Variants in APBB1IP observed in about 807,000 individuals in gnomAD.
APBB1IP encodes amyloid beta A4 precursor protein-binding family B member 1-interacting protein.
In APBB1IP, 27 loss-of-function variants were observed where a neutral mutation model predicts 64.9. That is an observed-to-expected ratio of 0.42 (90% CI 0.31 to 0.57). The LOEUF is 0.57. APBB1IP is among the 20% of genes least tolerant of loss of function. The pLI is 0.20. For missense variants in APBB1IP, 812 were observed against 845.5 expected (o/e 0.96, Z 0.49); for synonymous variants, 392 against 331.0 (o/e 1.18, Z -2.00).
chr10:26,450,460 T>C (rs774243759), intron 2 of APBB1IP, among the ~76,000 whole-genome samples: 2 of 152,226 alleles, frequency 1.3e-5, no homozygotes, highest in Non-Finnish European at 2.9e-5. Flanking sequence ...TCTAAGGGCA[T>C]GAAACATTGT....
chr10:26,549,024 C>T (rs922163370), intron 11 of APBB1IP, among the ~76,000 whole-genome samples: 1 of 152,040 alleles, frequency 6.6e-6, no homozygotes, highest in African/African-American at 2.4e-5. Context: ...TCTTCTATAC[C>T]TAATTTGTTG....
At chr10:26,546,692 T>C (rs918822582) in intron 11 of APBB1IP, among the ~76,000 whole-genome samples, 28 of 152,336 alleles carry the variant, frequency 1.8e-4, no homozygotes, top group African/African-American at 6.5e-4. Flanking sequence ...CTCCGGTCTC[T>C]AGTAACCACT....
chr10:26,499,986 A>C (rs893600146), intron 4 of APBB1IP, among the ~76,000 whole-genome samples: 1 of 152,006 alleles, frequency 6.6e-6, no homozygotes, highest in Non-Finnish European at 1.5e-5. Context: ...TGAGGTGGGA[A>C]GATTACTTGA....
At chr10:26,505,475 A>G (rs1836163314) in intron 6 of APBB1IP, among the ~76,000 whole-genome samples, 1 of 152,120 alleles carries the variant, frequency 6.6e-6, no homozygotes, top group Non-Finnish European at 1.5e-5. Flanking sequence ...CTGGGTGCCC[A>G]GTGAGCTACC....
intron 2 of APBB1IP, among the ~76,000 whole-genome samples, chr10:26,472,568 G>GTTTC (rs1261157186): frequency 1.1e-5 from 1 of 91,494 alleles, no homozygotes; most frequent in Non-Finnish European, 2.4e-5. Flanking sequence ...CATCGTGTTT[G>GTTTC]TTTCATTCAT....
chr10:26,527,429 C>T (rs879369612), intron 8 of APBB1IP, among the ~76,000 whole-genome samples: 26 of 151,802 alleles, frequency 1.7e-4, no homozygotes, highest in Non-Finnish European at 2.4e-4. Flanking sequence ...CACTTGTGGT[C>T]CCAGCTACTC....
chr10:26,541,031 G>C (rs1477144472), intron 10 of APBB1IP, among the ~76,000 whole-genome samples: 3 of 151,420 alleles, frequency 2.0e-5, no homozygotes, highest in African/African-American at 7.3e-5. Context: ...ACCTTGTCTC[G>C]ACTGCATCAA....
At chr10:26,445,335 T>C (rs10828996) in intron 2 of APBB1IP, among the ~76,000 whole-genome samples, 58,983 of 152,024 alleles carry the variant, frequency 0.39, 11,632 homozygotes, top group South Asian at 0.49. Flanking sequence ...TCTACCTCCA[T>C]AATAATCAAA....
At chr10:26,553,896 T>C (rs1450593384) in intron 11 of APBB1IP, among the ~76,000 whole-genome samples, 1 of 152,016 alleles carries the variant, frequency 6.6e-6, no homozygotes, top group Non-Finnish European at 1.5e-5. Flanking sequence ...GGACCCCTAC[T>C]CTGCTTCTGC....
chr10:26,501,794 T>A (rs947531476), intron 5 of APBB1IP: 1 of 152,328 alleles, frequency 6.6e-6, no homozygotes, highest in Non-Finnish European at 1.5e-5. Flanking sequence ...CCAGTTCAAT[T>A]TCCTGTGGCT....
intron 10 of APBB1IP, among the ~76,000 whole-genome samples, chr10:26,539,407 G>GAAA (rs397969156): frequency 8.2e-6 from 1 of 122,036 alleles, no homozygotes; most frequent in Non-Finnish European, 1.6e-5. Flanking sequence ...ATGAGATCCT[G>GAAA]AAAAAAAAAA....
At position 26,566,979 on chromosome 10, in the gene APBB1IP, G is replaced by A. The variant is rs1837053473; in HGVS notation, c.1492G>A (p.Gly498Arg). Reference protein sequence around the residue: ...ETSKDKKPALGNHHDPAVPRA... With the variant: ...ETSKDKKPALRNHHDPAVPRA... ...GTTGCAGGATAAGAAGCCAGCCCTC[G>A]GGAACCACCACGACCCGGCAGTGCC... Residue 498 changes from glycine (G) to arginine (R), a missense_variant, in exon 15 of 15, where the codon GGG (glycine) becomes AGG (arginine). Around this residue, in one of 3 missense-constraint regions of APBB1IP, gnomAD observed 381 missense variants for 352.1 expected, o/e 1.08. Coordinates refer to ENST00000376236, the MANE Select transcript of APBB1IP (RefSeq NM_019043.4). 3.2e-6 allele frequency: 5 copies of A among 1,580,180 alleles called. No individual in the cohort carries two copies. In the South Asian group the frequency reaches 4.4e-5, roughly 14 times the overall value.
intron 2 of APBB1IP, among the ~76,000 whole-genome samples, chr10:26,450,623 C>A (rs1314996680): frequency 6.6e-6 from 1 of 151,578 alleles, no homozygotes; most frequent in African/African-American, 2.4e-5. Flanking sequence ...GAACACTCCA[C>A]TATGGCTGTG....
intron 8 of APBB1IP, among the ~76,000 whole-genome samples, chr10:26,528,132 G>A (rs1836501813): frequency 6.6e-6 from 1 of 152,186 alleles, no homozygotes; most frequent in African/African-American, 2.4e-5. Flanking sequence ...CGTCCCATCT[G>A]CCACATTCTT....
intron 8 of APBB1IP, among the ~76,000 whole-genome samples, chr10:26,528,477 G>T (rs566755161): frequency 6.6e-6 from 1 of 152,122 alleles, no homozygotes; most frequent in African/African-American, 2.4e-5. Flanking sequence ...CTTGACCATC[G>T]CAGTCCATAG....
At chr10:26,562,152 T>C (rs1331033527) in intron 13 of APBB1IP, 174 bp from the exon 14 acceptor site, 4 of 540,768 alleles carry the variant, frequency 7.4e-6, no homozygotes, top group Admixed American at 6.0e-5. Context: ...TACCATGCCA[T>C]GCCTGTGAGT....
chr10:26,475,364 C>T (rs1564355043), intron 2 of APBB1IP, among the ~76,000 whole-genome samples: 2 of 152,288 alleles, frequency 1.3e-5, no homozygotes, highest in East Asian at 3.9e-4. Context: ...CTCACGTGAT[C>T]TGCCCACCTG....
At chr10:26,445,128 A>AG (rs1554772200) in intron 2 of APBB1IP, among the ~76,000 whole-genome samples, 11 of 102,178 alleles carry the variant, frequency 1.1e-4, no homozygotes, top group African/African-American at 1.2e-4. Flanking sequence ...AGAAAGAAAG[A>AG]AAAGAAAGAA....
At chr10:26,439,593 C>G (rs1250643512) in intron 2 of APBB1IP, among the ~76,000 whole-genome samples, 1 of 152,110 alleles carries the variant, frequency 6.6e-6, no homozygotes, top group East Asian at 1.9e-4. Flanking sequence ...CCCGGTGTAC[C>G]TCTTACTTTC....
Sources: gnomAD v4.1 joint callset for allele counts (sites outside exome capture counted in the v4.1 genomes callset) on GRCh38, gnomAD v4.1.1 for gene constraint, gnomAD v4.1.1 regional missense constraint, MANE v1.5 for transcripts, NCBI Gene and HGNC (gene_info 2026-07-23, HGNC 2026-07-21) for gene names.